Variants in SHANK2 observed in about 807,000 individuals in gnomAD.
SHANK2 encodes the protein SH3 and multiple ankyrin repeat domains protein 2.
A neutral mutation model predicts 133.7 loss-of-function variants in SHANK2; 43 were observed. The ratio of observed to expected loss-of-function variants is 0.32; its 90% CI spans 0.25 to 0.41. The LOEUF is 0.41. Ranked by LOEUF, SHANK2 falls within the 10% of genes least tolerant of loss-of-function variation. SHANK2 has a pLI of 1.00. For synonymous variants in SHANK2, 1,017 were observed against 952.8 expected (o/e 1.07, Z -1.24); for missense variants, 1,994 against 2,235.8 (o/e 0.89, Z 2.18).
chr11:71,113,778 CT>C (rs1951930493), intron 4 of SHANK2, among the ~76,000 whole-genome samples: 1 of 152,192 alleles, frequency 6.6e-6, no homozygotes, highest in South Asian at 2.1e-4. Context: ...CATTGTCCAC[CT>C]TTGTTAAAAC....
At chr11:70,915,162 C>G (rs1470869372) in intron 10 of SHANK2, among the ~76,000 whole-genome samples, 1 of 152,016 alleles carries the variant, frequency 6.6e-6, no homozygotes, top group African/African-American at 2.4e-5. Flanking sequence ...TCCTCAGCTC[C>G]CAATATGATC....
chr11:70,627,667 A>G (rs1402619448), intron 17 of SHANK2, among the ~76,000 whole-genome samples: 1 of 152,222 alleles, frequency 6.6e-6, no homozygotes, highest in Non-Finnish European at 1.5e-5. Context: ...TATCCTGGAG[A>G]TGGGACCCAA....
chr11:70,697,559 C>T lies in SHANK2; in HGVS notation c.1853+1129G>A, dbSNP rs144611190. Among the ~76,000 whole-genome samples the T allele has an allele frequency of 2.4e-3, 361 of 152,338 alleles. 3 individuals carry two copies. Among genetic ancestry groups the T allele is most frequent in the African/African-American group, 8.2e-3 (339 of 41,582 alleles). ...GATAGTGGTGATGGTTGCCCAATATCGTAAACGTACTAACTGCCACCTTAT... is the reference window on the plus strand; with the variant it reads ...GATAGTGGTGATGGTTGCCCAATATTGTAAACGTACTAACTGCCACCTTAT... On this transcript the variant is annotated intron_variant, in intron 15 of 25. Transcript: ENST00000601538.
At chr11:70,628,443 C>T (rs2060934262) in intron 17 of SHANK2, among the ~76,000 whole-genome samples, 1 of 152,146 alleles carries the variant, frequency 6.6e-6, no homozygotes, top group African/African-American at 2.4e-5. Flanking sequence ...GGTTTCCCTG[C>T]TCGCAAAGTA....
intron 17 of SHANK2, among the ~76,000 whole-genome samples, chr11:70,560,926 C>A (rs1284156753): frequency 6.6e-6 from 1 of 151,954 alleles, no homozygotes; most frequent in Non-Finnish European, 1.5e-5. Flanking sequence ...GGTGCCCGGC[C>A]CACTTACTAT....
intron 14 of SHANK2, among the ~76,000 whole-genome samples, chr11:70,715,638 T>C (rs1945897486): frequency 6.6e-6 from 1 of 152,230 alleles, no homozygotes; most frequent in East Asian, 1.9e-4. Flanking sequence ...AGTGGAAGCA[T>C]GTATACCAAT....
chr11:70,750,549 G>T (rs1481677724), intron 14 of SHANK2, among the ~76,000 whole-genome samples: 6 of 152,122 alleles, frequency 3.9e-5, no homozygotes, highest in African/African-American at 7.2e-5. Context: ...ATTAATTAAG[G>T]TCCCAGTTTT....
intron 17 of SHANK2, among the ~76,000 whole-genome samples, chr11:70,522,209 G>T (rs1391775371): frequency 6.6e-6 from 1 of 152,172 alleles, no homozygotes; most frequent in Non-Finnish European, 1.5e-5. Context: ...AGCCGCCATC[G>T]CCGTTTCTGC....
rs148217528 is a variant in SHANK2, at chr11:71,224,514, G to A, written c.-13+183C>T. 1.0e-3 allele frequency among the ~76,000 whole-genome samples: 152 copies of A among 152,216 alleles called. 1 individual carries two copies. Among genetic ancestry groups the A allele is most frequent in the African/African-American group, 3.3e-3 (138 of 41,534 alleles). On this transcript the variant is annotated intron_variant, in intron 2 of 25. Transcript: ENST00000601538. ...TCATATCTCGCAAGGTCACACAAGC[G>A]GGCCACCAAGGACAATGCCATCCAC...
Position 70,652,936 on chromosome 11 carries a change from A to G in SHANK2, c.2061+6892T>C, listed in dbSNP as rs1269404249. On this transcript the variant is annotated intron_variant, in intron 17 of 25. Transcript: ENST00000601538. ...ACGAATACTGGGACCCAGCAAGCAT[A>G]ATGACTGATCATGCTGCATCTGGAC... Among the ~76,000 whole-genome samples the G allele has an allele frequency of 3.3e-5, 5 of 152,240 alleles. No individual in the cohort carries two copies. In the East Asian group the frequency reaches 9.6e-4, roughly 29 times the overall value.
chr11:70,780,212 A>G (rs1947452036), intron 14 of SHANK2, among the ~76,000 whole-genome samples: 1 of 152,164 alleles, frequency 6.6e-6, no homozygotes, highest in Admixed American at 6.5e-5. Context: ...TTTCGTAGGG[A>G]CAGGGGTTGG....
At chr11:71,080,706 C>T (rs1951287110) in intron 8 of SHANK2, among the ~76,000 whole-genome samples, 1 of 152,204 alleles carries the variant, frequency 6.6e-6, no homozygotes. Context: ...TCGGCTCTCA[C>T]TGGGTCAGGA....
At chr11:70,784,190 T>C (rs1211811766) in intron 14 of SHANK2, among the ~76,000 whole-genome samples, 1 of 151,652 alleles carries the variant, frequency 6.6e-6, no homozygotes, top group Non-Finnish European at 1.5e-5. Context: ...CTTTTTTTTT[T>C]TTTTGAGACA....
At position 71,136,307 on chromosome 11, in the gene SHANK2, A is replaced by G. The variant is rs576128738; in HGVS notation, c.207+10813T>C. ...GCATATGTGCAACGGAATACTACTC[A>G]GCCATAAAAAAGGAGAGCATGTCTT... On this transcript the variant is annotated intron_variant, in intron 3 of 25. Coordinates refer to ENST00000601538, the MANE Select transcript of SHANK2 (RefSeq NM_012309.5). 5.3e-5 allele frequency among the ~76,000 whole-genome samples: 8 copies of G among 152,272 alleles called. No homozygotes were observed. In the South Asian group the frequency reaches 1.3e-3, roughly 24 times the overall value.
chr11:70,643,140 C>T (rs1343958266), intron 17 of SHANK2, among the ~76,000 whole-genome samples: 2 of 152,210 alleles, frequency 1.3e-5, no homozygotes, highest in African/African-American at 4.8e-5. Flanking sequence ...CAACGGGTTA[C>T]CTTGGAGGAA....
rs1218541576 is a variant in SHANK2, at chr11:70,485,274, C to G, written c.4979+40G>C. 2.6e-6 allele frequency: 4 copies of G among 1,555,188 alleles called. No homozygotes were observed. The highest frequency in any genetic ancestry group is 2.0e-4 in the Middle Eastern group (1 of 5,008). ...CCTTTCCTGGTCAGCAGGGACAGTG[C>G]ACGCAGAGCGGTGTGCATGTGCACC... On this transcript the variant is annotated intron_variant, in intron 25 of 25. Coordinates refer to ENST00000601538, the MANE Select transcript of SHANK2 (RefSeq NM_012309.5). This position sits in a 1 kb window ranked among gnomAD's most constrained non-coding sequence, Gnocchi z 5.8.
intron 6 of SHANK2, among the ~76,000 whole-genome samples, chr11:71,095,084 A>G (rs1402605559): frequency 1.3e-5 from 2 of 152,180 alleles, no homozygotes; most frequent in Admixed American, 1.3e-4. Flanking sequence ...GCAGACACCC[A>G]CCTTTCCTCA....
At chr11:71,215,336 C>T (rs1954384271) in intron 2 of SHANK2, among the ~76,000 whole-genome samples, 1 of 152,168 alleles carries the variant, frequency 6.6e-6, no homozygotes, top group Non-Finnish European at 1.5e-5. Flanking sequence ...TCCCTGGCTC[C>T]CCTCACCCTG....
At chr11:70,661,317 A>C (rs1180177460) in intron 16 of SHANK2, among the ~76,000 whole-genome samples, 3 of 152,138 alleles carry the variant, frequency 2.0e-5, no homozygotes, top group Non-Finnish European at 2.9e-5. Flanking sequence ...CAGGAGGGAG[A>C]GAGAACCCAT....
Sources: allele counts gnomAD v4.1 joint callset (sites outside exome capture counted in the v4.1 genomes callset), GRCh38; gene constraint gnomAD v4.1.1; non-coding constraint Gnocchi (gnomAD v3.1); transcripts MANE v1.5; gene names NCBI Gene and HGNC (gene_info 2026-07-23, HGNC 2026-07-21).